Variants in DHX30 observed in about 807,000 individuals in gnomAD.
The protein encoded by DHX30 is DExH-box helicase 30, also known as ATP-dependent RNA helicase DHX30.
DHX30 carries 4 observed loss-of-function variants against 116.9 expected under a neutral mutation model. The observed-to-expected ratio is 0.03, with a 90% CI of 0.02 to 0.08. The LOEUF (loss-of-function observed/expected upper bound fraction) is 0.08, where lower values mean the gene tolerates loss of function less well. Among genes scored for constraint, DHX30 ranks in the 10% least tolerant of loss-of-function variants. The pLI is 1.00. For synonymous variants in DHX30, 697 were observed against 651.7 expected, an observed-to-expected ratio of 1.07 and a Z score of -1.06; for missense variants, 871 against 1,595.1, an observed-to-expected ratio of 0.55 and a Z score of 7.73.
chr3:47,845,990 G>A, intron 10 of DHX30, 138 bp downstream of exon 10: 6 of 1,441,844 alleles, frequency 4.2e-6, no homozygotes, highest in Non-Finnish European at 9.3e-7. Context: ...GATCCCCCTG[G>A]CCTGAACAGC....
At chr3:47,828,463 C>CAAAAA (rs541910100) in intron 5 of DHX30, among the ~76,000 whole-genome samples, 1 of 52,176 alleles carries the variant, frequency 1.9e-5, no homozygotes, top group Admixed American at 2.2e-4. Flanking sequence ...CTGTCCCCCA[C>CAAAAA]AAAAAAAAAA....
chr3:47,822,831 C>T (rs952481437), intron 4 of DHX30, among the ~76,000 whole-genome samples: 15 of 149,124 alleles, frequency 1.0e-4, no homozygotes, highest in East Asian at 6.0e-4. Flanking sequence ...CAGTGGCCCA[C>T]GCCCGTAATC....
At chr3:47,843,936 A>C (rs941266631) in intron 9 of DHX30, among the ~76,000 whole-genome samples, 1 of 152,240 alleles carries the variant, frequency 6.6e-6, no homozygotes, top group Non-Finnish European at 1.5e-5. Flanking sequence ...TCTTGGGCTC[A>C]ATCAGTCTTT....
At chr3:47,816,765 T>G (rs961844932) in intron 3 of DHX30, 1 of 985,494 alleles carries the variant, frequency 1.0e-6, no homozygotes. Context: ...GCTGGGACTG[T>G]GGGGGAGGAG....
At chr3:47,833,864 A>G (rs1179306585) in intron 6 of DHX30, among the ~76,000 whole-genome samples, 1 of 152,046 alleles carries the variant, frequency 6.6e-6, no homozygotes, top group Non-Finnish European at 1.5e-5. Flanking sequence ...ATCTCCAAAA[A>G]AGAAAAAAAA....
At chr3:47,830,749 T>C (rs941110514) in intron 6 of DHX30, 1 of 151,974 alleles carries the variant, frequency 6.6e-6, no homozygotes, top group Non-Finnish European at 1.5e-5. Flanking sequence ...CTCGCCACCA[T>C]GCCTGGCTAA....
At chr3:47,845,672 A>G (rs771188861) in intron 9 of DHX30, 28 bp from the exon 10 acceptor site, 1 of 1,558,424 alleles carries the variant, frequency 6.4e-7, no homozygotes, top group Non-Finnish European at 8.8e-7. Flanking sequence ...CCCAGAGCAT[A>G]GACTGAGTCT....
intron 9 of DHX30, among the ~76,000 whole-genome samples, chr3:47,844,947 T>A (rs2037534394): frequency 6.6e-6 from 1 of 151,858 alleles, no homozygotes. Flanking sequence ...ATGGAAGGAT[T>A]AGGGGAGGAA....
intron 4 of DHX30, chr3:47,825,238 TTGGTGA>T (rs1378953786): frequency 3.2e-6 from 2 of 622,110 alleles, no homozygotes; most frequent in Non-Finnish European, 5.8e-6. Context: ...CGACGGAAGC[TTGGTGA>T]ACGGTGAGGG....
At chr3:47,829,314 A>ATATTTTTT (rs1177077114) in intron 6 of DHX30, among the ~76,000 whole-genome samples, 180 bp downstream of exon 6, 4 of 34,192 alleles carry the variant, frequency 1.2e-4, no homozygotes, top group African/African-American at 4.5e-4. Flanking sequence ...ATATATATAT[A>ATATTTTTT]TTTTTTTTTT....
intron 2 of DHX30, among the ~76,000 whole-genome samples, chr3:47,809,621 T>G (rs2035701307): frequency 6.6e-6 from 1 of 152,184 alleles, no homozygotes; most frequent in Non-Finnish European, 1.5e-5. Flanking sequence ...CCATATCCTA[T>G]GGGCTGAAAT....
chr3:47,830,087 C>T (rs1009767824), intron 6 of DHX30, among the ~76,000 whole-genome samples: 1 of 151,308 alleles, frequency 6.6e-6, no homozygotes, highest in Admixed American at 6.6e-5. Flanking sequence ...ACCTCGGCCT[C>T]CCAAAGTGCT....
At chr3:47,841,896 G>C (rs1281766717) in intron 8 of DHX30, 159 bp downstream of exon 8, 1 of 1,018,084 alleles carries the variant, frequency 9.8e-7, no homozygotes, top group Non-Finnish European at 1.5e-6. Flanking sequence ...AGCAGCAGGT[G>C]TGATGGAATG....
intron 6 of DHX30, among the ~76,000 whole-genome samples, chr3:47,838,161 T>A (rs956379093): frequency 2.6e-5 from 4 of 152,212 alleles, no homozygotes; most frequent in African/African-American, 9.6e-5. Context: ...AGCTGAGCCT[T>A]GGATCGGGCC....
chr3:47,834,584 C>G (rs1448127168), intron 6 of DHX30, among the ~76,000 whole-genome samples: 1 of 152,118 alleles, frequency 6.6e-6, no homozygotes, highest in African/African-American at 2.4e-5. Context: ...ATCCTCCCAC[C>G]TCAACCTCTG....
At chr3:47,829,676 T>C (rs1356898936) in intron 6 of DHX30, among the ~76,000 whole-genome samples, 2 of 152,022 alleles carry the variant, frequency 1.3e-5, no homozygotes, top group African/African-American at 4.8e-5. Context: ...GCCTATCTTC[T>C]GTGGTTTTAA....
At chr3:47,836,852 G>A (rs187767780) in intron 6 of DHX30, among the ~76,000 whole-genome samples, 70 of 152,308 alleles carry the variant, frequency 4.6e-4, no homozygotes, top group African/African-American at 1.6e-3. Context: ...CCTAATGGGT[G>A]TGAGATGAGA....
At chr3:47,844,841 T>C (rs927082165) in intron 9 of DHX30, among the ~76,000 whole-genome samples, 1 of 152,190 alleles carries the variant, frequency 6.6e-6, no homozygotes, top group Non-Finnish European at 1.5e-5. Flanking sequence ...TTTGATCAAG[T>C]TGCATTATAA....
At chr3:47,831,433 G>A (rs972913043) in intron 6 of DHX30, among the ~76,000 whole-genome samples, 1 of 152,142 alleles carries the variant, frequency 6.6e-6, no homozygotes, top group Admixed American at 6.6e-5. Context: ...GGCATGAGAT[G>A]TGGAGGGGGC....
Sources: allele counts gnomAD v4.1 joint callset (sites outside exome capture counted in the v4.1 genomes callset), GRCh38; gene constraint gnomAD v4.1.1; transcripts MANE v1.5; gene names NCBI Gene and HGNC (gene_info 2026-07-23, HGNC 2026-07-21).